CLDN14: variants seen among roughly 807,000 people sequenced by gnomAD.
The protein encoded by CLDN14 is claudin 14.
In CLDN14, 2 loss-of-function variants were observed where a neutral mutation model predicts 2.1. That is an observed-to-expected ratio of 0.96 (90% CI 0.39 to 3.01). CLDN14 has a LOEUF of 3.01. Ranked by LOEUF, CLDN14 falls within the 30% of genes most tolerant of loss-of-function variation. The probability of loss-of-function intolerance (pLI) is 0.09; values close to 1 mark genes in which losing one functional copy is unlikely to be tolerated. For missense variants in CLDN14, 298 were observed against 328.0 expected (o/e 0.91, Z 0.71); for synonymous variants, 136 against 154.4 (o/e 0.88, Z 0.88).
At chr21:36,532,828 C>T (rs1425728901) in intron 1 of CLDN14, among the ~76,000 whole-genome samples, 1 of 152,036 alleles carries the variant, frequency 6.6e-6, no homozygotes, top group Non-Finnish European at 1.5e-5. Flanking sequence ...AATGCATTCC[C>T]CCTGACCCCC....
At chr21:36,496,379 G>A (rs1159128145) in intron 2 of CLDN14, among the ~76,000 whole-genome samples, 1 of 147,432 alleles carries the variant, frequency 6.8e-6, no homozygotes, top group Non-Finnish European at 1.5e-5. Flanking sequence ...TGAGGCCGCA[G>A]TGAGCCATGA....
At chr21:36,479,459 G>A (rs914842535) in intron 1 of CLDN14, 36 bp downstream of exon 1, 2 of 39,162 alleles carry the variant, frequency 5.1e-5, no homozygotes, top group Non-Finnish European at 1.1e-4. Flanking sequence ...ACCCCAGCCC[G>A]CCCACCCCAC....
At chr21:36,481,843 G>A (rs1053968476), upstream of CLDN14, among the ~76,000 whole-genome samples, 9 of 152,170 alleles carry the variant, frequency 5.9e-5, no homozygotes, top group African/African-American at 9.7e-5. Context: ...TTTGTTCTTC[G>A]TTCATCAAAT....
At chr21:36,466,167 C>T (rs772854849) in intron 1 of CLDN14, among the ~76,000 whole-genome samples, 5 of 152,248 alleles carry the variant, frequency 3.3e-5, no homozygotes, top group African/African-American at 9.6e-5. Flanking sequence ...GGGCAGCATC[C>T]GCTAAACTTA....
chr21:36,539,809 AGT>A (rs539145956), intron 1 of CLDN14, among the ~76,000 whole-genome samples: 1,721 of 139,570 alleles, frequency 0.012, 37 homozygotes, highest in African/African-American at 0.044. Context: ...TCTGCAGATG[AGT>A]GTGTGCGGAG....
chr21:36,493,099 C>T (rs533253887), intron 2 of CLDN14, among the ~76,000 whole-genome samples: 79 of 152,262 alleles, frequency 5.2e-4, no homozygotes, highest in Non-Finnish European at 9.7e-4. Flanking sequence ...CTGTTGAGCA[C>T]GTGTTTTGTT....
chr21:36,572,269 T>TTG (rs150728551), intron 1 of CLDN14, among the ~76,000 whole-genome samples: 3 of 151,472 alleles, frequency 2.0e-5, no homozygotes, highest in Non-Finnish European at 2.9e-5. Context: ...CTTGTGTGGG[T>TTG]TGTGTGTGTG....
chr21:36,561,832 C>T (rs2087637562), intron 1 of CLDN14, among the ~76,000 whole-genome samples: 1 of 152,130 alleles, frequency 6.6e-6, no homozygotes, highest in East Asian at 1.9e-4. Flanking sequence ...GGAGCAGGCA[C>T]TACTCCCTCC....
In CLDN14 at chr21:36,499,955, C is replaced by G. The variant is rs1044125163; in HGVS notation, c.-82+10408G>C. Among the ~76,000 whole-genome samples, 1 of 152,120 alleles carries G rather than the reference C, an allele frequency of 6.6e-6. No individual in the cohort carries two copies. The highest frequency in any genetic ancestry group is 1.5e-5 in the Non-Finnish European group (1 of 68,040). On this transcript the variant is annotated intron_variant, in intron 2 of 2. Coordinates refer to the CLDN14 transcript ENST00000342108. This position sits in a 1 kb window ranked among gnomAD's most constrained non-coding sequence, Gnocchi z 4.7. Reference sequence around the variant, plus strand: ...GGCCCAGAAGCCTGCCCCAGCCGCGCACACAGAGTCTACCTGTCTTCCAAT... The same window carrying G: ...GGCCCAGAAGCCTGCCCCAGCCGCGGACACAGAGTCTACCTGTCTTCCAAT...
chr21:36,465,429 GAAGT>G (rs1434814175), intron 1 of CLDN14, among the ~76,000 whole-genome samples: 1 of 152,218 alleles, frequency 6.6e-6, no homozygotes, highest in Non-Finnish European at 1.5e-5. Context: ...GCTAATTTAA[GAAGT>G]GAGTGTTAAT....
At chr21:36,568,820 C>G (rs1010123659) in intron 1 of CLDN14, among the ~76,000 whole-genome samples, 1 of 152,234 alleles carries the variant, frequency 6.6e-6, no homozygotes, top group African/African-American at 2.4e-5. Flanking sequence ...ACAGTTCAGA[C>G]TGGGGCTGTC....
At chr21:36,509,816 G>A (rs549390385) in intron 2 of CLDN14, among the ~76,000 whole-genome samples, 3 of 152,024 alleles carry the variant, frequency 2.0e-5, no homozygotes, top group African/African-American at 7.2e-5. Context: ...GGCTAGTCTC[G>A]AACTCCTGAC....
chr21:36,523,915 C>T (rs1171737125), intron 1 of CLDN14, among the ~76,000 whole-genome samples: 2 of 151,946 alleles, frequency 1.3e-5, no homozygotes, highest in Non-Finnish European at 2.9e-5. Context: ...ATGCTCCAGC[C>T]CTGCCGGCTC....
chr21:36,522,935 G>A (rs1371508328), intron 1 of CLDN14, among the ~76,000 whole-genome samples: 1 of 152,154 alleles, frequency 6.6e-6, no homozygotes, highest in East Asian at 1.9e-4. Context: ...GGGAGCAGAG[G>A]AATTTGTTCA....
chr21:36,508,834 A>C (rs1241713832), intron 2 of CLDN14, among the ~76,000 whole-genome samples: 1 of 152,130 alleles, frequency 6.6e-6, no homozygotes, highest in Non-Finnish European at 1.5e-5. Flanking sequence ...AAGGTTCTGG[A>C]GTAAGGGGTT....
At chr21:36,535,205 C>T (rs776082919) in intron 1 of CLDN14, among the ~76,000 whole-genome samples, 8 of 152,064 alleles carry the variant, frequency 5.3e-5, no homozygotes, top group Non-Finnish European at 1.2e-4. Flanking sequence ...GTCTGGACAA[C>T]ATGGCGAAAC....
At position 36,497,800 on chromosome 21, in the gene CLDN14, C is replaced by T. The variant is rs117697776; in HGVS notation, c.-82+12563G>A. ...ATCCTCAAAGCAATGAGTTAGGAGCCGCACTCCTGGTCCTTGGCCGGTGGC... is the reference window on the plus strand; with the variant it reads ...ATCCTCAAAGCAATGAGTTAGGAGCTGCACTCCTGGTCCTTGGCCGGTGGC... On this transcript the variant is annotated intron_variant, in intron 2 of 2. Coordinates refer to the CLDN14 transcript ENST00000342108. Among the ~76,000 whole-genome samples, 1,107 of 152,222 alleles carry T rather than the reference C, an allele frequency of 7.3e-3. 5 individuals are homozygous for T. Among genetic ancestry groups the T allele is most frequent in the Middle Eastern group, 0.014 (4 of 294 alleles).
At chr21:36,502,158 A>G (rs1226785420) in intron 2 of CLDN14, among the ~76,000 whole-genome samples, 1 of 152,226 alleles carries the variant, frequency 6.6e-6, no homozygotes, top group Admixed American at 6.5e-5. Context: ...GTTAACTCCA[A>G]CATCCGCAAT....
In CLDN14 at chr21:36,505,848, G is replaced by A. The variant is rs527946092; in HGVS notation, c.-82+4515C>T. 2.6e-5 allele frequency among the ~76,000 whole-genome samples: 4 copies of A among 152,332 alleles called. No individual in the cohort carries two copies. In the East Asian group the frequency reaches 5.8e-4, roughly 22 times the overall value. On this transcript the variant is annotated intron_variant, in intron 2 of 2. Transcript: ENST00000342108. ...CAGCCGGCTTGGATGGAGGGGAGGC[G>A]TAAGGCACTGTGGACTTCCATTTAT...
Sources: allele counts gnomAD v4.1 joint callset (sites outside exome capture counted in the v4.1 genomes callset), GRCh38; gene constraint gnomAD v4.1.1; non-coding constraint Gnocchi (gnomAD v3.1); transcripts MANE v1.5; gene names NCBI Gene and HGNC (gene_info 2026-07-23, HGNC 2026-07-21).